CFAP47: variants seen among roughly 807,000 people sequenced by gnomAD.
The protein encoded by CFAP47 is cilia and flagella associated protein 47, also known as cilia- and flagella-associated protein 47.
Under a neutral mutation model 148.1 loss-of-function variants are expected in CFAP47, and 29 were observed. The ratio of observed to expected loss-of-function variants is 0.20; its 90% CI spans 0.15 to 0.27. The LOEUF is 0.27. CFAP47 is among the 10% of genes least tolerant of loss of function. CFAP47 has a pLI of 1.00. For missense variants in CFAP47, 1,872 were observed against 1,697.5 expected (o/e 1.10, Z -1.81); for synonymous variants, 664 against 577.3 (o/e 1.15, Z -2.15).
chrX:36,132,024 A>G (rs1187489146), intron 33 of CFAP47, among the ~76,000 whole-genome samples: 1 of 103,497 alleles, frequency 9.7e-6, no homozygotes, highest in East Asian at 2.8e-4. Context: ...ATATCTCAAT[A>G]TAACTTTTAT....
At chrX:36,170,699 T>A (rs1199272064) in intron 39 of CFAP47, among the ~76,000 whole-genome samples, 1 of 107,818 alleles carries the variant, frequency 9.3e-6, no homozygotes, top group Non-Finnish European at 1.9e-5. Flanking sequence ...TCTATCATTG[T>A]TGGACATTTG....
chrX:36,068,955 TAAA>T (rs113537853), intron 27 of CFAP47, among the ~76,000 whole-genome samples: 2 of 87,149 alleles, frequency 2.3e-5, no homozygotes, highest in African/African-American at 4.2e-5. Context: ...ACTCCTCAAT[TAAA>T]AAAAAAAAAA....
chrX:35,955,096 C>T (rs1357882291), intron 7 of CFAP47, among the ~76,000 whole-genome samples: 3 of 112,087 alleles, frequency 2.7e-5, no homozygotes, highest in Non-Finnish European at 5.6e-5. Context: ...CTCAAGTCTC[C>T]ACTCTTTCCT....
At chrX:35,986,273 G>A (rs757542754) in intron 15 of CFAP47, among the ~76,000 whole-genome samples, 4 of 110,144 alleles carry the variant, frequency 3.6e-5, no homozygotes, top group Non-Finnish European at 7.6e-5. Context: ...TTTTCACATA[G>A]TCCCATATTT....
chrX:35,947,605 C>A (rs1369408218), intron 3 of CFAP47, among the ~76,000 whole-genome samples: 8 of 107,329 alleles, frequency 7.5e-5, no homozygotes, highest in Admixed American at 6.0e-4. Context: ...AAATGTGGAG[C>A]AGAGTCACCC....
chrX:36,022,069 G>A (rs992080364), intron 22 of CFAP47: 1 of 110,750 alleles, frequency 9.0e-6, no homozygotes, highest in Non-Finnish European at 1.9e-5. Flanking sequence ...TCTTATTCCC[G>A]GTGAGTTTTG....
At chrX:36,086,274 C>T (rs1164531423) in intron 30 of CFAP47, among the ~76,000 whole-genome samples, 3 of 112,096 alleles carry the variant, frequency 2.7e-5, no homozygotes, top group African/African-American at 9.7e-5. Context: ...CTTTAGCCTG[C>T]GCTTGCAACA....
chrX:36,012,987 T>G (rs1937056337), intron 21 of CFAP47, among the ~76,000 whole-genome samples: 1 of 110,578 alleles, frequency 9.0e-6, no homozygotes, highest in Non-Finnish European at 1.9e-5. Flanking sequence ...AAGTTGTCTT[T>G]TTTTTTTTGA....
intron 3 of CFAP47, among the ~76,000 whole-genome samples, chrX:35,946,330 C>T (rs901440749): frequency 7.2e-5 from 8 of 111,759 alleles, no homozygotes; most frequent in African/African-American, 2.6e-4. Context: ...GAAAATTAAA[C>T]AATATTCTTT....
chrX:36,266,344 G>T (rs952213469), intron 49 of CFAP47, among the ~76,000 whole-genome samples: 31 of 111,088 alleles, frequency 2.8e-4, no homozygotes, highest in Middle Eastern at 4.6e-3. Context: ...ATGCACTCCA[G>T]CAAGGGTGAC....
chrX:36,164,191 G>C (rs1271033726), intron 39 of CFAP47, among the ~76,000 whole-genome samples: 7 of 111,148 alleles, frequency 6.3e-5, no homozygotes. Flanking sequence ...CTTAATTTTA[G>C]TTGGTTTATA....
At position 36,046,099 on chromosome X, in the gene CFAP47, T is replaced by C. The variant is rs943851055; in HGVS notation, c.4008-755T>C. 2.7e-5 allele frequency among the ~76,000 whole-genome samples: 3 copies of C among 111,155 alleles called. No homozygotes were observed. The Admixed American group carries it at 2.9e-4, about 11-fold the overall frequency. ...TAGATCTTTATTTTTTCTTATTAGC[T>C]AAATAGTTCTCATACTGATTAAAAT... On this transcript the variant is annotated intron_variant, in intron 25 of 63. Coordinates refer to ENST00000378653, the MANE Select transcript of CFAP47 (RefSeq NM_001304548.2).
At chrX:36,035,911 A>G (rs1366250357) in intron 24 of CFAP47, 57 bp downstream of exon 24, 9 of 286,249 alleles carry the variant, frequency 3.1e-5, no homozygotes, top group Non-Finnish European at 5.5e-5. Flanking sequence ...TTCATATATG[A>G]AATTGTTTTA....
intron 45 of CFAP47, among the ~76,000 whole-genome samples, chrX:36,216,835 C>T (rs1940163359): frequency 9.0e-6 from 1 of 111,324 alleles, no homozygotes; most frequent in East Asian, 2.8e-4. Context: ...GATACAGGGT[C>T]TACAAAATAT....
chrX:36,123,654 G>A (rs1010675218), intron 33 of CFAP47, among the ~76,000 whole-genome samples: 2 of 110,515 alleles, frequency 1.8e-5, no homozygotes, highest in Non-Finnish European at 3.8e-5. Context: ...AGTAACTTCT[G>A]CATGGACTGG....
chrX:36,095,258 A>T (rs931316761), intron 30 of CFAP47, among the ~76,000 whole-genome samples: 1 of 111,694 alleles, frequency 9.0e-6, no homozygotes, highest in Admixed American at 9.5e-5. Flanking sequence ...ATGATTAATG[A>T]TCTTTTTACT....
chrX:36,179,010 A>T (rs1026220547), intron 39 of CFAP47, among the ~76,000 whole-genome samples: 1 of 112,180 alleles, frequency 8.9e-6, no homozygotes, highest in African/African-American at 3.2e-5. Context: ...AGCTCTGGTG[A>T]TGTGTAAGAC....
At chrX:35,929,914 A>G (rs942615913) in intron 2 of CFAP47, among the ~76,000 whole-genome samples, 1 of 111,050 alleles carries the variant, frequency 9.0e-6, no homozygotes, top group East Asian at 2.8e-4. Context: ...CACGAGAATC[A>G]CCTGAGCCTG....
chrX:35,939,515 A>G (rs1222378522), intron 2 of CFAP47, among the ~76,000 whole-genome samples: 5 of 93,133 alleles, frequency 5.4e-5, no homozygotes, highest in Admixed American at 2.5e-4. Context: ...TCATTGTTCA[A>G]TTCCCACATA....
Sources: gnomAD v4.1 joint callset for allele counts (sites outside exome capture counted in the v4.1 genomes callset) on GRCh38, gnomAD v4.1.1 for gene constraint, MANE v1.5 for transcripts, NCBI Gene and HGNC (gene_info 2026-07-23, HGNC 2026-07-21) for gene names.